The following STK3 variants were observed in gnomAD, a reference collection of about 807,000 sequenced individuals.
STK3 encodes the protein serine/threonine-protein kinase 3.
In STK3, 41 loss-of-function variants were observed where a neutral mutation model predicts 58.0. The ratio of observed to expected loss-of-function variants is 0.71; its 90% CI spans 0.55 to 0.92. The LOEUF (loss-of-function observed/expected upper bound fraction) is 0.92, where lower values mean the gene tolerates loss of function less well. Among genes scored for constraint, STK3 ranks in the 40% least tolerant of loss-of-function variants. The probability of loss-of-function intolerance (pLI) is 0.00; values close to 1 mark genes in which losing one functional copy is unlikely to be tolerated. For synonymous variants in STK3, 170 were observed against 191.0 expected (o/e 0.89, Z 0.91); for missense variants, 479 against 602.7 (o/e 0.79, Z 2.15).
chr8:98,669,689 T>G (rs1452624093), intron 6 of STK3, among the ~76,000 whole-genome samples: 1 of 152,192 alleles, frequency 6.6e-6, no homozygotes, highest in African/African-American at 2.4e-5. Flanking sequence ...ATACAGGGTC[T>G]TCAACAGAAT....
rs576734265 is a variant in STK3 at position 98,567,828 on chromosome 8, C to T, written c.948+11836G>A. ...ATCCCAGCACTTTGGGAGGCCGAGA[C>T]GGGCAAATCACTTGAGGTCAGGAGT... On this transcript the variant is annotated intron_variant, in intron 8 of 10. Transcript: ENST00000419617. Among the ~76,000 whole-genome samples the T allele has an allele frequency of 7.2e-5, 11 of 152,164 alleles. No individual in the cohort carries two copies. The South Asian group carries it at 1.0e-3, about 14-fold the overall frequency.
chr8:98,594,824 T>C lies in STK3; in HGVS notation c.822+1208A>G, dbSNP rs182084741. 90 of 152,280 alleles carry C rather than the reference T, an allele frequency of 5.9e-4. 1 individual carries two copies. The highest frequency in any genetic ancestry group is 2.1e-3 in the African/African-American group (89 of 41,578). 9.4% of individuals were successfully genotyped at this position (152,280 alleles called of 1,614,324 possible). ...TAAACAGTTTTCATCAAAAAGCAAG[T>C]CTCCATCCCAGTCCTGCCCCATCCA... On this transcript the variant is annotated intron_variant, in intron 7 of 10. Coordinates refer to ENST00000419617, the MANE Select transcript of STK3 (RefSeq NM_006281.4).
intron 6 of STK3, among the ~76,000 whole-genome samples, chr8:98,686,653 C>G (rs1228516751): frequency 1.3e-5 from 2 of 151,990 alleles, no homozygotes; most frequent in Non-Finnish European, 2.9e-5. Context: ...CAACAAGATC[C>G]AAGAGAAAGT....
chr8:98,788,693 A>G (rs553691580), intron 1 of STK3, among the ~76,000 whole-genome samples: 71 of 152,308 alleles, frequency 4.7e-4, no homozygotes, highest in Middle Eastern at 6.8e-3. Context: ...GAGTCATAAA[A>G]GGCCTTGTCC....
chr8:98,795,103 AATAT>A (rs1222756810), intron 1 of STK3, among the ~76,000 whole-genome samples: 5,220 of 63,822 alleles, frequency 0.082, 720 homozygotes, highest in East Asian at 0.19. Context: ...AAAAAAAAAA[AATAT>A]ATATATATAT....
intron 10 of STK3, among the ~76,000 whole-genome samples, chr8:98,496,270 A>G (rs1219893863): frequency 1.3e-5 from 2 of 152,156 alleles, no homozygotes; most frequent in Non-Finnish European, 2.9e-5. Flanking sequence ...ATCATAAGGA[A>G]TTCACCAAAA....
chr8:98,923,259 GA>G (rs1007413162), intron 1 of STK3, among the ~76,000 whole-genome samples: 4 of 152,188 alleles, frequency 2.6e-5, no homozygotes, highest in Non-Finnish European at 4.4e-5. Flanking sequence ...TAAGTCTGGG[GA>G]TTGAGTTTGT....
chr8:98,579,133 A>G (rs1813652691), intron 8 of STK3, among the ~76,000 whole-genome samples: 1 of 152,134 alleles, frequency 6.6e-6, no homozygotes, highest in African/African-American at 2.4e-5. Context: ...CCCAGGTAAC[A>G]CAGTGAGACT....
chr8:98,886,545 T>C (rs1162276563), intron 1 of STK3, among the ~76,000 whole-genome samples: 2 of 152,248 alleles, frequency 1.3e-5, no homozygotes, highest in Non-Finnish European at 2.9e-5. Context: ...GGCATACCCA[T>C]GCTAAGCTGT....
intron 10 of STK3, among the ~76,000 whole-genome samples, chr8:98,487,326 T>G (rs1290899447): frequency 3.3e-5 from 5 of 152,218 alleles, no homozygotes; most frequent in Admixed American, 1.3e-4. Context: ...GTGTTACTCA[T>G]GCAACAAACA....
At chr8:98,877,781 C>T (rs748709637) in intron 3 of STK3, among the ~76,000 whole-genome samples, 5 of 151,816 alleles carry the variant, frequency 3.3e-5, no homozygotes, top group Non-Finnish European at 5.9e-5. Flanking sequence ...CCGTGCCCAG[C>T]CCAGTCATTC....
Position 98,660,191 on chromosome 8 carries a change from A to C in STK3, c.684+46276T>G, listed in dbSNP as rs113073032. On this transcript the variant is annotated intron_variant, in intron 6 of 10. Coordinates refer to ENST00000419617, the MANE Select transcript of STK3 (RefSeq NM_006281.4). ...AAAAAGAAAAATACTCTATGATTAC[A>C]CTTACAGGAAGTATCTAAAGTAGTT... is the stretch of plus-strand genomic sequence containing the variant. Among the ~76,000 whole-genome samples the C allele has an allele frequency of 9.1e-3, 1,389 of 152,152 alleles. 9 individuals are homozygous for C. Among genetic ancestry groups the C allele is most frequent in the Non-Finnish European group, 0.015 (1,040 of 67,926 alleles).
At chr8:98,887,887 C>T (rs1487034677) in intron 1 of STK3, among the ~76,000 whole-genome samples, 1 of 152,186 alleles carries the variant, frequency 6.6e-6, no homozygotes, top group Admixed American at 6.5e-5. Context: ...TCGAGGCATT[C>T]GCTGGCCTTT....
intron 6 of STK3, among the ~76,000 whole-genome samples, chr8:98,671,439 T>C (rs150654923): frequency 1.8e-4 from 28 of 152,338 alleles, no homozygotes; most frequent in African/African-American, 6.7e-4. Context: ...AGCAACTTGG[T>C]TATTTGTATA....
intron 4 of STK3, among the ~76,000 whole-genome samples, chr8:98,738,090 A>G (rs1487010185): frequency 1.3e-5 from 2 of 152,254 alleles, no homozygotes; most frequent in Admixed American, 6.5e-5. Context: ...ATGATCATGC[A>G]TTGGAAAATA....
At chr8:98,576,187 T>C (rs1563756597) in intron 8 of STK3, among the ~76,000 whole-genome samples, 1 of 152,222 alleles carries the variant, frequency 6.6e-6, no homozygotes, top group Non-Finnish European at 1.5e-5. Context: ...TCTTAGCAAC[T>C]CTGTTAAAAA....
At chr8:98,700,168 C>G (rs1240260329) in intron 6 of STK3, among the ~76,000 whole-genome samples, 2 of 152,216 alleles carry the variant, frequency 1.3e-5, no homozygotes, top group Non-Finnish European at 2.9e-5. Context: ...ACCCTCTGAT[C>G]CAAGTGCGGG....
chr8:98,912,760 A>G (rs1175589390), intron 1 of STK3, among the ~76,000 whole-genome samples: 1 of 152,256 alleles, frequency 6.6e-6, no homozygotes, highest in Non-Finnish European at 1.5e-5. Context: ...CTATAAGACC[A>G]AGGGAAATGA....
chr8:98,701,263 C>T (rs185456426), intron 6 of STK3, among the ~76,000 whole-genome samples: 119 of 147,652 alleles, frequency 8.1e-4, no homozygotes, highest in Non-Finnish European at 1.5e-3. Context: ...GAAGGAAGGA[C>T]GGAAGGAAGG....
Sources: allele counts gnomAD v4.1 joint callset (sites outside exome capture counted in the v4.1 genomes callset), GRCh38; gene constraint gnomAD v4.1.1; transcripts MANE v1.5; gene names NCBI Gene and HGNC (gene_info 2026-07-23, HGNC 2026-07-21).